Variants in MTUS2 observed in about 807,000 individuals in gnomAD.
MTUS2 encodes microtubule associated scaffold protein 2.
A neutral mutation model predicts 114.1 loss-of-function variants in MTUS2; 40 were observed. That is an observed-to-expected ratio of 0.35 (90% confidence interval 0.27 to 0.46). The LOEUF (loss-of-function observed/expected upper bound fraction) is 0.46. Among genes scored for constraint, MTUS2 ranks in the 20% least tolerant of loss-of-function variants. MTUS2 has a pLI of 1.00. For missense variants in MTUS2, 1,679 were observed against 1,705.4 expected, an observed-to-expected ratio of 0.98 and a Z score of 0.27; for synonymous variants, 688 against 672.0, an observed-to-expected ratio of 1.02 and a Z score of -0.37.
At chr13:29,107,876 T>G (rs1890733504) in intron 5 of MTUS2, among the ~76,000 whole-genome samples, 1 of 152,194 alleles carries the variant, frequency 6.6e-6, no homozygotes, top group African/African-American at 2.4e-5. Flanking sequence ...GTTTTATTTC[T>G]TGTTTTAATA....
intron 4 of MTUS2, among the ~76,000 whole-genome samples, chr13:29,079,522 C>A (rs1009836560): frequency 6.6e-6 from 1 of 152,194 alleles, no homozygotes; most frequent in East Asian, 1.9e-4. Flanking sequence ...ACCTATTTTT[C>A]CCCAAGAGTT....
At chr13:28,996,654 C>A (rs974567544) in intron 2 of MTUS2, among the ~76,000 whole-genome samples, 9 of 152,100 alleles carry the variant, frequency 5.9e-5, no homozygotes, top group Admixed American at 5.9e-4. Flanking sequence ...GGAATTTATC[C>A]ATTTCTTCTA....
chr13:28,873,813 A>G (rs1877767146), intron 2 of MTUS2, among the ~76,000 whole-genome samples: 2 of 152,218 alleles, frequency 1.3e-5, no homozygotes, highest in Admixed American at 1.3e-4. Context: ...TTGGAAATTA[A>G]AGAATTACAA....
At chr13:29,310,414 A>G (rs1005419005) in intron 6 of MTUS2, among the ~76,000 whole-genome samples, 1 of 152,226 alleles carries the variant, frequency 6.6e-6, no homozygotes, top group Non-Finnish European at 1.5e-5. Flanking sequence ...TTTAGTGGCT[A>G]CTGTCTCAAC....
At chr13:28,967,236 T>C (rs996862959) in intron 2 of MTUS2, among the ~76,000 whole-genome samples, 1 of 152,220 alleles carries the variant, frequency 6.6e-6, no homozygotes, top group Admixed American at 6.5e-5. Flanking sequence ...TTTGAACATG[T>C]AGCACACCCT....
At chr13:29,395,110 A>G (rs1002140478) in intron 8 of MTUS2, among the ~76,000 whole-genome samples, 1 of 152,190 alleles carries the variant, frequency 6.6e-6, no homozygotes, top group Non-Finnish European at 1.5e-5. Context: ...AGGGCCTGCT[A>G]TCTGTCATGA....
At chr13:29,383,938 A>C (rs982151178) in intron 8 of MTUS2, among the ~76,000 whole-genome samples, 2 of 152,348 alleles carry the variant, frequency 1.3e-5, no homozygotes, top group African/African-American at 2.4e-5. Flanking sequence ...TTACTCAGCA[A>C]AACATATAAA....
Position 29,254,491 on chromosome 13 carries a change from T to G in MTUS2, c.2645-27213T>G, listed in dbSNP as rs141445913. ...GTACAGCAACAAGTCGTACCAACAC[T>G]GAGGTTTCTGACTTGGAAGATGTGT... On this transcript the variant is annotated intron_variant, in intron 5 of 15. Transcript: ENST00000612955. Among the ~76,000 whole-genome samples, 833 of 152,370 alleles carry G rather than the reference T, an allele frequency of 5.5e-3. 28 individuals carry two copies. The highest frequency in any genetic ancestry group is 0.051 in the Admixed American group (773 of 15,300).
intron 5 of MTUS2, among the ~76,000 whole-genome samples, chr13:29,228,097 CA>C (rs1896182084): frequency 6.6e-6 from 1 of 152,118 alleles, no homozygotes; most frequent in Non-Finnish European, 1.5e-5. Flanking sequence ...ATAAAAGCAT[CA>C]ATACATGAAG....
intron 2 of MTUS2, among the ~76,000 whole-genome samples, chr13:29,000,653 A>C (rs560421430): frequency 2.4e-4 from 36 of 152,320 alleles, no homozygotes; most frequent in African/African-American, 8.7e-4. Context: ...AGCATAAGCC[A>C]CTGTGCCTGG....
At chr13:29,092,918 G>A (rs1197326838) in intron 4 of MTUS2, among the ~76,000 whole-genome samples, 2 of 152,176 alleles carry the variant, frequency 1.3e-5, no homozygotes, top group African/African-American at 4.8e-5. Flanking sequence ...GCTGGCTCAG[G>A]ATTTTTATTA....
chr13:29,112,133 A>G (rs1038928163), intron 5 of MTUS2, among the ~76,000 whole-genome samples: 1 of 152,206 alleles, frequency 6.6e-6, no homozygotes, highest in Non-Finnish European at 1.5e-5. Context: ...GAGAACAGCC[A>G]TGGAAAATAA....
At chr13:28,873,542 T>A (rs768654588) in intron 2 of MTUS2, among the ~76,000 whole-genome samples, 8 of 152,260 alleles carry the variant, frequency 5.3e-5, no homozygotes, top group Non-Finnish European at 8.8e-5. Context: ...CCACTCAGAC[T>A]TTTTGCCTTA....
At chr13:29,182,381 T>G (rs917107538) in intron 5 of MTUS2, among the ~76,000 whole-genome samples, 3 of 152,348 alleles carry the variant, frequency 2.0e-5, no homozygotes, top group African/African-American at 4.8e-5. Flanking sequence ...ATGCTTAATG[T>G]CTAAGGCATT....
At chr13:29,024,108 T>G (rs985405604) in intron 2 of MTUS2, among the ~76,000 whole-genome samples, 7 of 152,208 alleles carry the variant, frequency 4.6e-5, no homozygotes, top group African/African-American at 1.7e-4. Context: ...AAATAGTGAT[T>G]TTTCAAATTC....
chr13:29,360,623 C>G (rs1390347406), intron 8 of MTUS2, among the ~76,000 whole-genome samples: 1 of 151,440 alleles, frequency 6.6e-6, no homozygotes, highest in East Asian at 1.9e-4. Context: ...GAATTTCATA[C>G]CTTCCTTTCT....
chr13:29,067,303 G>T (rs1888708810), intron 4 of MTUS2, among the ~76,000 whole-genome samples: 1 of 152,138 alleles, frequency 6.6e-6, no homozygotes, highest in African/African-American at 2.4e-5. Context: ...CATATTGAAG[G>T]GGTGAGGAGA....
intron 7 of MTUS2, among the ~76,000 whole-genome samples, chr13:29,330,442 A>G (rs904618354): frequency 1.3e-5 from 2 of 152,144 alleles, no homozygotes; most frequent in African/African-American, 4.8e-5. Context: ...TAGTTTAATT[A>G]GACCCCATTT....
intron 2 of MTUS2, among the ~76,000 whole-genome samples, chr13:29,014,546 C>G (rs1885985976): frequency 6.6e-6 from 1 of 152,132 alleles, no homozygotes; most frequent in Non-Finnish European, 1.5e-5. Flanking sequence ...AACCAATAAA[C>G]AAACACATAA....
Sources: gnomAD v4.1 joint callset for allele counts (sites outside exome capture counted in the v4.1 genomes callset) on GRCh38, gnomAD v4.1.1 for gene constraint, MANE v1.5 for transcripts, NCBI Gene and HGNC (gene_info 2026-07-23, HGNC 2026-07-21) for gene names.